KLHL32: variants seen among roughly 807,000 people sequenced by gnomAD.
KLHL32 encodes the protein kelch like family member 32, also known as kelch-like protein 32.
A neutral mutation model predicts 64.8 loss-of-function variants in KLHL32; 35 were observed. That is an observed-to-expected ratio of 0.54 (90% CI 0.41 to 0.72). The LOEUF (loss-of-function observed/expected upper bound fraction) is 0.72. KLHL32 is among the 30% of genes least tolerant of loss of function. The probability of loss-of-function intolerance (pLI) is 0.00; values close to 1 mark genes in which losing one functional copy is unlikely to be tolerated. For missense variants in KLHL32, 589 were observed against 768.5 expected, an observed-to-expected ratio of 0.77 and a Z score of 2.76; for synonymous variants, 259 against 281.0, an observed-to-expected ratio of 0.92 and a Z score of 0.78.
At chr6:97,042,809 T>C (rs756497117) in intron 4 of KLHL32, among the ~76,000 whole-genome samples, 18 of 152,140 alleles carry the variant, frequency 1.2e-4, no homozygotes, top group African/African-American at 2.7e-4. Context: ...CTGCTACAGT[T>C]TGGATGTTTG....
chr6:97,036,304 A>G (rs1269318494), intron 3 of KLHL32, among the ~76,000 whole-genome samples: 1 of 152,102 alleles, frequency 6.6e-6, no homozygotes, highest in East Asian at 1.9e-4. Flanking sequence ...AGTTGTCTAT[A>G]TGTGTTCAAT....
chr6:96,984,263 G>T (rs1776720598), intron 3 of KLHL32, among the ~76,000 whole-genome samples: 1 of 152,150 alleles, frequency 6.6e-6, no homozygotes, highest in Non-Finnish European at 1.5e-5. Flanking sequence ...TATAATTTCT[G>T]TTCTTTTACA....
intron 6 of KLHL32, among the ~76,000 whole-genome samples, chr6:97,101,518 T>C (rs1029751386): frequency 6.6e-6 from 1 of 152,164 alleles, no homozygotes; most frequent in African/African-American, 2.4e-5. Context: ...ACGAGAAGTG[T>C]TTGTAATGGG....
chr6:97,085,428 T>A, intron 6 of KLHL32, 87 bp downstream of exon 6: 1 of 1,132,304 alleles, frequency 8.8e-7, no homozygotes, highest in Non-Finnish European at 1.3e-6. Context: ...TTACCACTAT[T>A]TTAGTGGCTT....
chr6:96,974,028 CT>C (rs1452534308), intron 2 of KLHL32, among the ~76,000 whole-genome samples: 1 of 151,050 alleles, frequency 6.6e-6, no homozygotes, highest in East Asian at 1.9e-4. Context: ...GACTTCTTCT[CT>C]TTTTTTTTCC....
At chr6:96,985,180 A>C (rs1271883486) in intron 3 of KLHL32, among the ~76,000 whole-genome samples, 4 of 152,084 alleles carry the variant, frequency 2.6e-5, no homozygotes, top group Admixed American at 2.6e-4. Context: ...TCTTTTCTTT[A>C]AGAATGTTGA....
chr6:97,132,039 G>T (rs1477145314), intron 9 of KLHL32, among the ~76,000 whole-genome samples: 2 of 152,170 alleles, frequency 1.3e-5, no homozygotes, highest in Non-Finnish European at 2.9e-5. Context: ...TTTTGAAATG[G>T]GAGGGGAAAC....
intron 1 of KLHL32, among the ~76,000 whole-genome samples, chr6:96,964,350 C>T (rs1774200519): frequency 6.6e-6 from 1 of 152,194 alleles, no homozygotes; most frequent in Non-Finnish European, 1.5e-5. Flanking sequence ...GTGAGAGAAA[C>T]TTTTTATAAA....
intron 6 of KLHL32, among the ~76,000 whole-genome samples, chr6:97,095,175 C>A (rs1256718519): frequency 1.3e-5 from 2 of 152,174 alleles, no homozygotes; most frequent in Non-Finnish European, 2.9e-5. Context: ...CCAGAAAGGA[C>A]GATGCTTAGT....
intron 3 of KLHL32, among the ~76,000 whole-genome samples, chr6:97,015,757 C>T (rs1318082826): frequency 6.6e-6 from 1 of 152,110 alleles, no homozygotes; most frequent in Non-Finnish European, 1.5e-5. Context: ...AAAATGTCCC[C>T]AGGGCATGTC....
intron 1 of KLHL32, among the ~76,000 whole-genome samples, chr6:96,948,910 A>G (rs1370553476): frequency 6.6e-6 from 1 of 152,194 alleles, no homozygotes; most frequent in Non-Finnish European, 1.5e-5. Flanking sequence ...TAGCAATTCA[A>G]ACATTTCTGA....
intron 1 of KLHL32, among the ~76,000 whole-genome samples, chr6:96,930,190 C>G (rs1232739092): frequency 6.6e-6 from 1 of 152,162 alleles, no homozygotes; most frequent in African/African-American, 2.4e-5. Flanking sequence ...GACAATAGAG[C>G]AGTGGAGGAG....
chr6:96,944,107 C>T (rs1021133832), intron 1 of KLHL32, among the ~76,000 whole-genome samples: 1 of 152,062 alleles, frequency 6.6e-6, no homozygotes, highest in African/African-American at 2.4e-5. Context: ...TGTTGCTCAT[C>T]GTTATATCAA....
At chr6:97,030,582 T>C (rs1432086762) in intron 3 of KLHL32, among the ~76,000 whole-genome samples, 2 of 152,224 alleles carry the variant, frequency 1.3e-5, no homozygotes, top group African/African-American at 4.8e-5. Flanking sequence ...AGACAAAATC[T>C]TGTGAACCAA....
At chr6:96,960,187 ATT>A (rs1773731309) in intron 1 of KLHL32, among the ~76,000 whole-genome samples, 1 of 152,142 alleles carries the variant, frequency 6.6e-6, no homozygotes, top group African/African-American at 2.4e-5. Flanking sequence ...CATTATCATC[ATT>A]GTCATCACCA....
intron 3 of KLHL32, among the ~76,000 whole-genome samples, chr6:97,000,958 C>G (rs555646295): frequency 4.4e-4 from 67 of 152,258 alleles, no homozygotes; most frequent in African/African-American, 1.5e-3. Context: ...ATGAATCCAA[C>G]TATATGACAT....
At chr6:97,025,021 A>G in intron 3 of KLHL32, 2 of 985,286 alleles carry the variant, frequency 2.0e-6, no homozygotes, top group Non-Finnish European at 2.4e-6. Flanking sequence ...GCTTCATCCA[A>G]AAGAAGACCA....
intron 7 of KLHL32, among the ~76,000 whole-genome samples, chr6:97,115,632 T>C (rs1582203007): frequency 6.6e-6 from 1 of 152,234 alleles, no homozygotes; most frequent in East Asian, 1.9e-4. Flanking sequence ...GCATATGCTA[T>C]CAACATCACA....
the KLHL32 span, among the ~76,000 whole-genome samples, chr6:96,913,213 G>A: frequency 6.6e-6 from 1 of 152,068 alleles, no homozygotes; most frequent in Non-Finnish European, 1.5e-5. Flanking sequence ...AATTAGCCTT[G>A]GCAACACCCC....
Sources: allele counts gnomAD v4.1 joint callset (sites outside exome capture counted in the v4.1 genomes callset), GRCh38; gene constraint gnomAD v4.1.1; transcripts MANE v1.5; gene names NCBI Gene and HGNC (gene_info 2026-07-23, HGNC 2026-07-21).